Variants in PTPRD observed in about 807,000 individuals in gnomAD.
PTPRD encodes protein tyrosine phosphatase receptor type D, also known as receptor-type tyrosine-protein phosphatase delta.
In PTPRD, 34 loss-of-function variants were observed where a neutral mutation model predicts 214.5. That is an observed-to-expected ratio of 0.16 (90% confidence interval 0.12 to 0.21). The LOEUF is 0.21. PTPRD is among the 10% of genes least tolerant of loss of function. The pLI, the probability that PTPRD is intolerant of heterozygous loss-of-function variation, is 1.00. For missense variants in PTPRD, 2,545 were observed against 2,398.7 expected (o/e 1.06, Z -1.27); for synonymous variants, 1,128 against 845.7 (o/e 1.33, Z -5.79).
At chr9:8,637,123 A>C (rs190580475) in intron 12 of PTPRD, among the ~76,000 whole-genome samples, 6 of 152,296 alleles carry the variant, frequency 3.9e-5, no homozygotes, top group African/African-American at 1.2e-4. Flanking sequence ...GCAACATCAC[A>C]CATTAATTTT....
At chr9:9,895,814 C>T (rs7874380) in intron 5 of PTPRD, among the ~76,000 whole-genome samples, 137,528 of 152,160 alleles carry the variant, frequency 0.9, 62,478 homozygotes, top group East Asian at 1. Flanking sequence ...TTCCTTAAAA[C>T]CTCATTGATT....
intron 5 of PTPRD, among the ~76,000 whole-genome samples, chr9:9,920,828 G>C (rs371995589): frequency 6.6e-6 from 1 of 152,088 alleles, no homozygotes; most frequent in South Asian, 2.1e-4. Context: ...GAAGTGAATA[G>C]AAATTTTGAC....
chr9:10,073,068 A>T (rs561575464), intron 3 of PTPRD, among the ~76,000 whole-genome samples: 92 of 152,198 alleles, frequency 6.0e-4, no homozygotes, highest in African/African-American at 2.0e-3. Context: ...ACCAGTCCAA[A>T]ATGGTGACAG....
chr9:8,585,889 A>G (rs1163187205), intron 14 of PTPRD, among the ~76,000 whole-genome samples: 1 of 152,244 alleles, frequency 6.6e-6, no homozygotes, highest in East Asian at 1.9e-4. Context: ...CAGTCATCTC[A>G]TAAATCCACT....
chr9:10,131,140 G>A (rs765858415), intron 3 of PTPRD, among the ~76,000 whole-genome samples: 13 of 152,162 alleles, frequency 8.5e-5, no homozygotes, highest in South Asian at 2.1e-4. Context: ...GAGGAATAAA[G>A]AGAGTGAGGA....
intron 7 of PTPRD, among the ~76,000 whole-genome samples, chr9:9,699,946 T>A (rs528278382): frequency 6.6e-6 from 1 of 152,170 alleles, no homozygotes; most frequent in African/African-American, 2.4e-5. Flanking sequence ...TTGACAAGTA[T>A]GCATTCCTCA....
rs1261125182 is a variant in PTPRD at position 8,817,976 on chromosome 9, A to G, written c.-103-84030T>C. Among the ~76,000 whole-genome samples the G allele has an allele frequency of 2.0e-5, 3 of 152,332 alleles. No homozygotes were observed. The East Asian group carries it at 5.8e-4, about 29-fold the overall frequency. On this transcript the variant is annotated intron_variant, in intron 11 of 45. Transcript: ENST00000381196. Reference sequence around the variant, plus strand: ...AAGCATCATCAATACCATTAAACATAAATTTTACAACCTGAGCTTCCAAAT... The same window carrying G: ...AAGCATCATCAATACCATTAAACATGAATTTTACAACCTGAGCTTCCAAAT...
intron 3 of PTPRD, among the ~76,000 whole-genome samples, chr9:10,129,933 G>T (rs199748242): frequency 8.6e-5 from 10 of 115,966 alleles, no homozygotes; most frequent in South Asian, 7.7e-4. Flanking sequence ...ATAACCAAAT[G>T]TTTTTTTTTA....
At chr9:9,953,238 G>T (rs539056005) in intron 4 of PTPRD, among the ~76,000 whole-genome samples, 1 of 152,208 alleles carries the variant, frequency 6.6e-6, no homozygotes, top group South Asian at 2.1e-4. Context: ...TAAAATTTGT[G>T]CACGCAGACT....
chr9:9,812,708 T>C (rs1336076091), intron 5 of PTPRD, among the ~76,000 whole-genome samples: 1 of 152,088 alleles, frequency 6.6e-6, no homozygotes, highest in Non-Finnish European at 1.5e-5. Context: ...GTAAGGGATT[T>C]CAATAATGGA....
intron 2 of PTPRD, among the ~76,000 whole-genome samples, chr9:10,450,071 G>A (rs200885345): frequency 3.3e-5 from 5 of 150,834 alleles, no homozygotes; most frequent in Non-Finnish European, 5.9e-5. Flanking sequence ...TCACCACTCC[G>A]TAATCTCAAG....
At chr9:10,487,702 G>C (rs554523792) in intron 2 of PTPRD, among the ~76,000 whole-genome samples, 1 of 152,090 alleles carries the variant, frequency 6.6e-6, no homozygotes, top group South Asian at 2.1e-4. Flanking sequence ...GGGCCTGTTG[G>C]GGGGTGGAGG....
chr9:8,975,821 T>A (rs2099265011), intron 11 of PTPRD, among the ~76,000 whole-genome samples: 1 of 151,472 alleles, frequency 6.6e-6, no homozygotes, highest in African/African-American at 2.4e-5. Context: ...TATATACACA[T>A]CCAAAATTGA....
intron 10 of PTPRD, among the ~76,000 whole-genome samples, chr9:9,133,950 C>T (rs1196233016): frequency 6.6e-6 from 1 of 151,998 alleles, no homozygotes; most frequent in Non-Finnish European, 1.5e-5. Flanking sequence ...TCTAATAGAT[C>T]TCTCAGACTT....
In PTPRD at chr9:9,997,250, G is replaced by C. The variant is rs550620174; in HGVS notation, c.-472+36468C>G. Among the ~76,000 whole-genome samples, 261 of 150,910 alleles carry C rather than the reference G, an allele frequency of 1.7e-3. 3 individuals carry two copies. The highest frequency in any genetic ancestry group is 5.9e-3 in the African/African-American group (242 of 41,286). ...CTAGGGAGACTTAACATTTGAAATG[G>C]CAGAAGAAAGAATCAGCAAACTTGA... On this transcript the variant is annotated intron_variant, in intron 4 of 45. Coordinates refer to ENST00000381196, the MANE Select transcript of PTPRD (RefSeq NM_002839.4).
intron 9 of PTPRD, among the ~76,000 whole-genome samples, chr9:9,225,520 A>G (rs1015903601): frequency 6.6e-6 from 1 of 152,024 alleles, no homozygotes; most frequent in African/African-American, 2.4e-5. Context: ...CTACAAATCT[A>G]TCTATGCAGA....
intron 35 of PTPRD, among the ~76,000 whole-genome samples, chr9:8,420,876 A>G (rs924688696): frequency 6.6e-6 from 1 of 150,792 alleles, no homozygotes; most frequent in Non-Finnish European, 1.5e-5. Context: ...TGTGATCAGT[A>G]TTCCCCTGTT....
intron 7 of PTPRD, among the ~76,000 whole-genome samples, chr9:9,636,937 C>G (rs376001671): frequency 1.1e-3 from 161 of 152,258 alleles, no homozygotes; most frequent in African/African-American, 3.8e-3. Context: ...CACCTTGAAG[C>G]TTGTATCCTC....
intron 14 of PTPRD, among the ~76,000 whole-genome samples, chr9:8,548,267 G>A (rs2080872042): frequency 6.6e-6 from 1 of 152,156 alleles, no homozygotes; most frequent in South Asian, 2.1e-4. Context: ...CAGTGTGCAA[G>A]GTCTGTTGAA....
Sources: allele counts gnomAD v4.1 joint callset (sites outside exome capture counted in the v4.1 genomes callset), GRCh38; gene constraint gnomAD v4.1.1; transcripts MANE v1.5; gene names NCBI Gene and HGNC (gene_info 2026-07-23, HGNC 2026-07-21).